The following GRHL2 variants were observed in gnomAD, a reference collection of about 807,000 sequenced individuals.
GRHL2 encodes grainyhead like transcription factor 2.
GRHL2 carries 21 observed loss-of-function variants against 83.8 expected under a neutral mutation model. The observed-to-expected ratio is 0.25, with a 90% CI of 0.18 to 0.36. The LOEUF (loss-of-function observed/expected upper bound fraction) is 0.36. GRHL2 is among the 10% of genes least tolerant of loss of function. The pLI, the probability that GRHL2 is intolerant of heterozygous loss-of-function variation, is 1.00. For missense variants in GRHL2, 623 were observed against 781.8 expected (o/e 0.80, Z 2.42); for synonymous variants, 280 against 278.9 (o/e 1.00, Z -0.04).
chr8:101,624,535 G>C (rs1370695404), intron 9 of GRHL2, among the ~76,000 whole-genome samples: 4 of 12,238 alleles, frequency 3.3e-4, no homozygotes, highest in African/African-American at 4.1e-4. Flanking sequence ...AGACAGTTCA[G>C]AGTACACAGT....
At chr8:101,494,808 A>G (rs187369215) in intron 1 of GRHL2, among the ~76,000 whole-genome samples, 1 of 152,228 alleles carries the variant, frequency 6.6e-6, no homozygotes, top group Non-Finnish European at 1.5e-5. Flanking sequence ...TGGTTTCACC[A>G]CACGCATCAC....
At chr8:101,552,237 G>A (rs1014773570) in intron 2 of GRHL2, among the ~76,000 whole-genome samples, 1 of 152,202 alleles carries the variant, frequency 6.6e-6, no homozygotes, top group Non-Finnish European at 1.5e-5. Flanking sequence ...GGCTCAGTAT[G>A]GCCCGCCCCG....
chr8:101,657,577 A>G (rs1813820897), intron 14 of GRHL2, among the ~76,000 whole-genome samples: 1 of 152,200 alleles, frequency 6.6e-6, no homozygotes. Context: ...GTAGTGGCTC[A>G]CGCCTGTAAT....
intron 1 of GRHL2, among the ~76,000 whole-genome samples, chr8:101,534,527 A>T (rs1314512270): frequency 6.6e-6 from 1 of 152,146 alleles, no homozygotes; most frequent in African/African-American, 2.4e-5. Flanking sequence ...CCTATTGGTC[A>T]TATAGACCAA....
intron 1 of GRHL2, among the ~76,000 whole-genome samples, chr8:101,501,002 A>G (rs1427123739): frequency 1.3e-5 from 2 of 152,240 alleles, no homozygotes; most frequent in African/African-American, 4.8e-5. Flanking sequence ...TAGTAATATT[A>G]TTTGTAAAAA....
chr8:101,527,620 G>C (rs1263448102), intron 1 of GRHL2, among the ~76,000 whole-genome samples: 2 of 152,164 alleles, frequency 1.3e-5, no homozygotes, highest in African/African-American at 4.8e-5. Flanking sequence ...TCAGAAATCA[G>C]CTACAATTAA....
chr8:101,543,102 C>A, intron 1 of GRHL2, 139 bp from the exon 2 acceptor site: 1 of 737,152 alleles, frequency 1.4e-6, no homozygotes. Flanking sequence ...GTCACTTTAA[C>A]TTTAAACTTC....
intron 14 of GRHL2, among the ~76,000 whole-genome samples, chr8:101,652,485 GT>G (rs1563627233): frequency 7.9e-4 from 36 of 45,308 alleles, no homozygotes; most frequent in Non-Finnish European, 1.1e-3. Flanking sequence ...TGTGGTATGT[GT>G]GTATGTGTGT....
intron 1 of GRHL2, among the ~76,000 whole-genome samples, chr8:101,496,419 C>T (rs910433887): frequency 6.6e-6 from 1 of 152,030 alleles, no homozygotes; most frequent in African/African-American, 2.4e-5. Context: ...AGGTTAGAAA[C>T]GTCAAGAATT....
chr8:101,612,557 A>G (rs2130352168), intron 8 of GRHL2, among the ~76,000 whole-genome samples: 1 of 150,772 alleles, frequency 6.6e-6, no homozygotes, highest in South Asian at 2.1e-4. Flanking sequence ...ACATACATAG[A>G]TATTGATGAA....
At position 101,668,720 on chromosome 8, in the gene GRHL2, T is replaced by G. The variant is rs1046477639; in HGVS notation, c.*2017T>G. On this transcript the variant is annotated 3_prime_UTR_variant, in exon 16 of 16. Coordinates refer to ENST00000646743, the MANE Select transcript of GRHL2 (RefSeq NM_024915.4). ...TGGAAATACATGTTGTACTATGCAC[T>G]TCCCATGCTCCTAGGGTTAGGAATA... 2.0e-5 allele frequency: 3 copies of G among 152,252 alleles called. No individual in the cohort carries two copies. The highest frequency in any genetic ancestry group is 4.4e-5 in the Non-Finnish European group (3 of 68,072). 9.4% of individuals were successfully genotyped at this position (152,252 alleles called of 1,614,324 possible).
chr8:101,557,134 C>T (rs976563263), intron 3 of GRHL2, among the ~76,000 whole-genome samples: 1 of 150,772 alleles, frequency 6.6e-6, no homozygotes, highest in Non-Finnish European at 1.5e-5. Context: ...TAACCTCTAA[C>T]TAATTCTGAT....
intron 7 of GRHL2, 32 bp from the exon 8 acceptor site, chr8:101,599,025 T>C: frequency 2.7e-6 from 4 of 1,487,018 alleles, no homozygotes; most frequent in Non-Finnish European, 3.8e-6. Flanking sequence ...CTCTTACTCC[T>C]TTAAAAGCTT....
intron 4 of GRHL2, among the ~76,000 whole-genome samples, chr8:101,568,094 A>AT (rs1293713582): frequency 6.6e-6 from 1 of 152,126 alleles, no homozygotes; most frequent in Non-Finnish European, 1.5e-5. Flanking sequence ...AATGATGGAA[A>AT]TTTTTTTTAA....
chr8:101,625,214 AAG>A (rs1440584599), intron 9 of GRHL2, among the ~76,000 whole-genome samples: 1 of 152,068 alleles, frequency 6.6e-6, no homozygotes, highest in Non-Finnish European at 1.5e-5. Context: ...GATGAAGAGA[AAG>A]AGGGGGAAGA....
intron 12 of GRHL2, among the ~76,000 whole-genome samples, chr8:101,639,991 C>T (rs568777824): frequency 2.6e-5 from 4 of 152,298 alleles, no homozygotes; most frequent in African/African-American, 9.6e-5. Context: ...TCCTGGTAAC[C>T]CCACAATCAT....
chr8:101,516,554 A>T (rs1226348795), intron 1 of GRHL2, among the ~76,000 whole-genome samples: 2 of 151,772 alleles, frequency 1.3e-5, no homozygotes, highest in East Asian at 3.9e-4. Flanking sequence ...AGTAGCTGGG[A>T]CTACAGGCAC....
At chr8:101,606,081 A>G (rs1812627339) in intron 8 of GRHL2, among the ~76,000 whole-genome samples, 1 of 152,236 alleles carries the variant, frequency 6.6e-6, no homozygotes, top group Admixed American at 6.5e-5. Flanking sequence ...AATGAGGATT[A>G]TGATCAGAGA....
chr8:101,639,467 C>T (rs1164150798), intron 12 of GRHL2, among the ~76,000 whole-genome samples: 1 of 152,198 alleles, frequency 6.6e-6, no homozygotes, highest in East Asian at 1.9e-4. Context: ...ACTGAGGCTT[C>T]AAGAGATTAG....
Sources: gnomAD v4.1 joint callset for allele counts (sites outside exome capture counted in the v4.1 genomes callset) on GRCh38, gnomAD v4.1.1 for gene constraint, MANE v1.5 for transcripts, NCBI Gene and HGNC (gene_info 2026-07-23, HGNC 2026-07-21) for gene names.